Variants in ODAD1 observed in about 807,000 individuals in gnomAD.
The protein encoded by ODAD1 is outer dynein arm-docking complex subunit 1.
In ODAD1, 49 loss-of-function variants were observed where a neutral mutation model predicts 67.2. The ratio of observed to expected loss-of-function variants is 0.73; its 90% CI spans 0.58 to 0.92. ODAD1 has a LOEUF of 0.92. Among genes scored for constraint, ODAD1 ranks in the 40% least tolerant of loss-of-function variants. The probability of loss-of-function intolerance (pLI) is 0.00; values close to 1 mark genes in which losing one functional copy is unlikely to be tolerated. For synonymous variants in ODAD1, 345 were observed against 393.7 expected, an observed-to-expected ratio of 0.88 and a Z score of 1.46; for missense variants, 897 against 953.7, an observed-to-expected ratio of 0.94 and a Z score of 0.78.
chr19:48,304,617 CAAA>C (rs11324459), intron 8 of ODAD1, among the ~76,000 whole-genome samples: 11 of 143,026 alleles, frequency 7.7e-5, no homozygotes, highest in Non-Finnish European at 7.6e-5. Context: ...GAAACTGTCT[CAAA>C]AAAAAAAAAA....
At chr19:48,321,539 G>A (rs944633233) in intron 1 of ODAD1, 139 bp downstream of exon 1, 2 of 324,570 alleles carry the variant, frequency 6.2e-6, no homozygotes, top group Non-Finnish European at 1.1e-5. Flanking sequence ...GGGCTTCGAG[G>A]GTCGCGTTTG....
rs1401917397 is a variant in ODAD1 at position 48,303,085 on chromosome 19, G to A, written c.999C>T (p.Arg333=). The change falls in exon 11 of 16, where the codon CGC becomes CGT. Residue 333 remains arginine, a synonymous_variant. Coordinates refer to ENST00000674294, the MANE Select transcript of ODAD1 (RefSeq NM_001364171.2). ...LVQKYLEIEE[R]NFAEFNFINE... ...TGATGAAGTTGAACTCAGCAAAGTT[G>A]CGCTCCTCGACTGGGAGAGTTGGGC... 1.2e-6 allele frequency: 2 copies of A among 1,613,874 alleles called. No homozygotes were observed. Among genetic ancestry groups the A allele is most frequent in the Admixed American group, 1.7e-5 (1 of 60,022 alleles).
chr19:48,308,395 C>T (rs562067653), intron 7 of ODAD1, among the ~76,000 whole-genome samples: 13 of 152,234 alleles, frequency 8.5e-5, no homozygotes, highest in African/African-American at 2.9e-4. Context: ...AGGCTGGTCT[C>T]GAACTCCTGA....
chr19:48,297,126 G>C lies in ODAD1; in HGVS notation c.1974C>G (p.Gly658=), dbSNP rs150335194. The change falls in exon 16 of 16, where the codon GGC becomes GGG. Residue 658 remains glycine, a synonymous_variant. Coordinates refer to ENST00000674294, the MANE Select transcript of ODAD1 (RefSeq NM_001364171.2). ...GSTGYVGSSR[G]GENTEGGVES... Reference sequence around the variant, plus strand: ...CCACACCACCCTCTGTGTTTTCTCCGCCCCTGCTGGACCCCACGTATCCAG... The same window carrying C: ...CCACACCACCCTCTGTGTTTTCTCCCCCCCTGCTGGACCCCACGTATCCAG... 1 of 1,614,008 alleles carries C rather than the reference G, an allele frequency of 6.2e-7. No individual in the cohort carries two copies. The highest frequency in any genetic ancestry group is 8.5e-7 in the Non-Finnish European group (1 of 1,179,978).
rs1199233107 is a variant in ODAD1, at chr19:48,303,037, C to T, written c.1047G>A (p.Glu349=). ...NFINEQNLEL[E]HVQEEIKEMQ... ...CCTCCTTGATCTCTTCCTGCACATG[C>T]TCCAGCTCCAAGTTCTGCTCGTTGA... The change falls in exon 11 of 16, where the codon GAG becomes GAA. Residue 349 remains glutamate (E), a synonymous_variant. Transcript: ENST00000674294. 1.2e-6 allele frequency: 2 copies of T among 1,614,102 alleles called. No homozygotes were observed. Among genetic ancestry groups the T allele is most frequent in the East Asian group, 4.5e-5 (2 of 44,866 alleles).
intron 12 of ODAD1, among the ~76,000 whole-genome samples, chr19:48,300,232 G>T (rs1968424315): frequency 6.6e-6 from 1 of 152,088 alleles, no homozygotes; most frequent in South Asian, 2.1e-4. Context: ...GAACCTGGGT[G>T]GCAGAGGTTG....
Position 48,311,584 on chromosome 19 carries a change from C to T in ODAD1, c.566G>A (p.Arg189His), listed in dbSNP as rs569554228. 216 of 1,550,622 alleles carry T rather than the reference C, an allele frequency of 1.4e-4. No individual in the cohort carries two copies. The highest frequency in any genetic ancestry group is 1.1e-3 in the African/African-American group (78 of 73,102). Reference sequence around the variant, plus strand: ...CAGCTTGCGGTCCACGTTCAGATAGCGGTTCCTGTCGATCCGCAGCAGATC... The same window carrying T: ...CAGCTTGCGGTCCACGTTCAGATAGTGGTTCCTGTCGATCCGCAGCAGATC... ...ELDLLRIDRNRYLNVDRKLKK... is the reference protein window; with the variant it reads ...ELDLLRIDRNHYLNVDRKLKK... The change falls in exon 7 of 16, where the codon CGC becomes CAC. Residue 189 changes from arginine (R) to histidine (H), a missense_variant. Coordinates refer to ENST00000674294, the MANE Select transcript of ODAD1 (RefSeq NM_001364171.2).
At position 48,303,980 on chromosome 19, in the gene ODAD1, C is replaced by T. The variant is rs955384540; in HGVS notation, c.826G>A (p.Asp276Asn). 5.0e-6 allele frequency: 8 copies of T among 1,614,034 alleles called. No homozygotes were observed. The highest frequency in any genetic ancestry group is 2.7e-5 in the African/African-American group (2 of 74,936). The change falls in exon 9 of 16, where the codon GAT becomes AAT. Residue 276 changes from aspartate (D) to asparagine (N), a missense_variant. Transcript: ENST00000674294. ...TGCTTTTCACGCTTCTCCAGGACAT[C>T]GGGATCCGGCTGCCGGTCGTTGTTC... ...LKNNDRQPDP[D>N]VLEKREKQAG...
intron 7 of ODAD1, among the ~76,000 whole-genome samples, chr19:48,310,936 G>C (rs924742712): frequency 3.9e-5 from 6 of 152,070 alleles, no homozygotes. Context: ...AAATCGGCCG[G>C]GTGTGGTGGC....
intron 5 of ODAD1, among the ~76,000 whole-genome samples, chr19:48,313,288 C>G (rs929376742): frequency 6.6e-6 from 1 of 151,852 alleles, no homozygotes; most frequent in Non-Finnish European, 1.5e-5. Flanking sequence ...ATTAGCAAGG[C>G]GTGGTGGCAG....
At chr19:48,315,252 T>C (rs1244992675) in intron 5 of ODAD1, among the ~76,000 whole-genome samples, 3 of 152,016 alleles carry the variant, frequency 2.0e-5, no homozygotes, top group African/African-American at 7.2e-5. Flanking sequence ...ACATATTTAG[T>C]GTTCAATGTG....
chr19:48,303,782 C>T lies in ODAD1; in HGVS notation c.856G>A (p.Gly286Arg), dbSNP rs73942222. ...TTCCAGACGCCCTCGGCCACCTCCC[C>T]GGCTAGGGGAAGAGAGAACAGCAGG... ...DVLEKREKQA[G>R]EVAEGVWKTS... Residue 286 changes from glycine to arginine, a missense_variant and splice_region_variant, in exon 10 of 16, where the codon GGG (glycine) becomes AGG (arginine). Physicochemically the swap from Gly to Arg is moderately radical, Grantham distance 125. Transcript: ENST00000674294. The T allele has an allele frequency of 1.1e-3, 1,824 of 1,606,834 alleles. 9 individuals carry two copies. Among genetic ancestry groups the T allele is most frequent in the African/African-American group, 0.011 (804 of 74,998 alleles).
Position 48,297,172 on chromosome 19 carries a change from G to A in ODAD1, c.1928C>T (p.Ala643Val), listed in dbSNP as rs1474618774. The A allele has an allele frequency of 3.7e-6, 6 of 1,614,036 alleles. No homozygotes were observed. Among genetic ancestry groups the A allele is most frequent in the Non-Finnish European group, 5.1e-6 (6 of 1,180,028 alleles). The change falls in exon 16 of 16, where the codon GCC (alanine) becomes GTC (valine). Residue 643 changes from alanine to valine, a missense_variant. By Grantham distance (64) the Ala-to-Val change is moderately conservative. Coordinates refer to ENST00000674294, the MANE Select transcript of ODAD1 (RefSeq NM_001364171.2). ...GGHVTFRPVS[A>V]SSYLGSTGYV... Reference sequence around the variant, plus strand: ...TCCAGTGGAGCCCAGGTAGCTGCTGGCGCTGACGGGTCTGAAGGTCACGTG... The same window carrying A: ...TCCAGTGGAGCCCAGGTAGCTGCTGACGCTGACGGGTCTGAAGGTCACGTG...
Position 48,298,293 on chromosome 19 carries a change from C to G in ODAD1, c.1288G>C (p.Asp430His). 1 of 1,614,186 alleles carries G rather than the reference C, an allele frequency of 6.2e-7. No homozygotes were observed. Among genetic ancestry groups the G allele is most frequent in the Non-Finnish European group, 8.5e-7 (1 of 1,180,030 alleles). The change falls in exon 13 of 16, where the codon GAT becomes CAT. Residue 430 changes from aspartate to histidine, a missense_variant. Asp to His is a moderately conservative substitution (Grantham distance 81). Transcript: ENST00000674294. ...CTGGTCTTGACCCCAAGGAGGTCAT[C>G]GATCATGCTGCTGTCGCAATGGGCC... is the stretch of plus-strand genomic sequence containing the variant. ...TKAHCDSSMI[D>H]DLLGVKTSMG...
rs371854569 is a variant in ODAD1 at position 48,297,592 on chromosome 19, G to T, written c.1579C>A (p.Leu527Met). ...REELLSQVEKLVELQEQAEAQ... is the reference protein window; with the variant it reads ...REELLSQVEKMVELQEQAEAQ... Reference sequence around the variant, plus strand: ...ACCCCCGCAGGCCCCACTCTCACCAGCTTCTCCACTTGGCTCAGCAGCTCC... The same window carrying T: ...ACCCCCGCAGGCCCCACTCTCACCATCTTCTCCACTTGGCTCAGCAGCTCC... The change falls in exon 15 of 16, where the codon CTG becomes ATG. Residue 527 changes from leucine (L) to methionine (M), a missense_variant and splice_region_variant. By Grantham distance (15) the Leu-to-Met change is conservative (BLOSUM62 2). Transcript: ENST00000674294. The T allele has an allele frequency of 1.3e-6, 2 of 1,551,706 alleles. No homozygotes were observed. The highest frequency in any genetic ancestry group is 1.7e-6 in the Non-Finnish European group (2 of 1,152,388).
At chr19:48,318,316 A>T in intron 5 of ODAD1, 71 bp downstream of exon 5, 1 of 1,326,506 alleles carries the variant, frequency 7.5e-7, no homozygotes. Context: ...TCACATGAGG[A>T]AGCTAAGGCT....
At chr19:48,304,806 T>G (rs999189687) in intron 8 of ODAD1, among the ~76,000 whole-genome samples, 1 of 152,180 alleles carries the variant, frequency 6.6e-6, no homozygotes, top group African/African-American at 2.4e-5. Context: ...AAATTCTCTT[T>G]GTTGGCTAAA....
In ODAD1 at chr19:48,311,571, C is replaced by T; in HGVS notation, c.579G>A (p.Val193=). The change falls in exon 7 of 16, where the codon GTG becomes GTA. Residue 193 remains valine (V), a synonymous_variant. Transcript: ENST00000674294. ...CACTGACCTTCTTCAGCTTGCGGTC[C>T]ACGTTCAGATAGCGGTTCCTGTCGA... is the stretch of plus-strand genomic sequence containing the variant. ...LRIDRNRYLN[V]DRKLKKEIHH... is the part of the protein sequence containing the mutation. 1.3e-6 allele frequency: 2 copies of T among 1,549,696 alleles called. No homozygotes were observed. Among genetic ancestry groups the T allele is most frequent in the Non-Finnish European group, 1.7e-6 (2 of 1,145,336 alleles).
chr19:48,306,113 G>T, intron 8 of ODAD1, 143 bp downstream of exon 8: 1 of 1,249,072 alleles, frequency 8.0e-7, no homozygotes, highest in Non-Finnish European at 1.1e-6. Flanking sequence ...TGGTGGCGGG[G>T]AGAGAGAAAA....
Sources: allele counts gnomAD v4.1 joint callset (sites outside exome capture counted in the v4.1 genomes callset), GRCh38; gene constraint gnomAD v4.1.1; transcripts MANE v1.5; gene names NCBI Gene and HGNC (gene_info 2026-07-23, HGNC 2026-07-21).